The following TP53BP2 variants were observed in gnomAD, a reference collection of about 807,000 sequenced individuals.
The protein encoded by TP53BP2 is tumor protein p53 binding protein 2, also known as apoptosis-stimulating of p53 protein 2.
TP53BP2 carries 62 observed loss-of-function variants against 126.2 expected under a neutral mutation model. That is an observed-to-expected ratio of 0.49 (90% CI 0.40 to 0.61). The LOEUF is 0.61. Among genes scored for constraint, TP53BP2 ranks in the 20% least tolerant of loss-of-function variants. TP53BP2 has a pLI of 0.00. For missense variants in TP53BP2, 1,215 were observed against 1,402.8 expected, an observed-to-expected ratio of 0.87 and a Z score of 2.14; for synonymous variants, 485 against 502.9, an observed-to-expected ratio of 0.96 and a Z score of 0.48.
chr1:223,803,290 C>T lies in TP53BP2; in HGVS notation c.812G>A (p.Arg271His), dbSNP rs764187129. ...GTCTACCTGCAGCTCCTTATAGAGG[C>T]GATCAAGCTCAGCCACTGCAGACTG... ...DNQSAVAELD[R>H]LYKELQLRNK... The change falls in exon 7 of 18, where the codon CGC becomes CAC. Residue 271 changes from arginine (R) to histidine (H), a missense_variant. Physicochemically the swap from Arg to His is conservative, Grantham distance 29 (BLOSUM62 0). Around this residue, in one of 4 missense-constraint regions of TP53BP2, gnomAD observed 814 missense variants for 853.0 expected, o/e 0.95. Transcript: ENST00000343537. The T allele has an allele frequency of 2.9e-5, 46 of 1,611,782 alleles. No individual in the cohort carries two copies. The Admixed American group carries it at 6.2e-4, about 22-fold the overall frequency.
chr1:223,817,418 A>T (rs1331973195), intron 2 of TP53BP2, among the ~76,000 whole-genome samples: 2 of 151,598 alleles, frequency 1.3e-5, no homozygotes, highest in African/African-American at 2.4e-5. Context: ...AGAAAAACAA[A>T]ATTTTTTTTG....
chr1:223,799,837 C>A, intron 11 of TP53BP2, 62 bp downstream of exon 11: 1 of 1,464,598 alleles, frequency 6.8e-7, no homozygotes, highest in Non-Finnish European at 9.1e-7. Flanking sequence ...TACTTTATCC[C>A]TTCTAAAAAC....
At chr1:223,821,183 A>C in intron 2 of TP53BP2, 37 bp downstream of exon 2, 1 of 1,613,578 alleles carries the variant, frequency 6.2e-7, no homozygotes, top group Non-Finnish European at 8.5e-7. Flanking sequence ...AATAGAAGAC[A>C]GAAGAACTAA....
rs532344900 is a variant in TP53BP2 at position 223,816,501 on chromosome 1, T to C, written c.176-2148A>G. On this transcript the variant is annotated intron_variant, in intron 2 of 17. Coordinates refer to ENST00000343537, the MANE Select transcript of TP53BP2 (RefSeq NM_001031685.3). The stretch of plus-strand genomic sequence containing the variant: ...GGAAGGGAAAAAGCCAGAGTAAACA[T>C]GAGCAAAGAATATAAAGAAACAATT... 7.3e-5 allele frequency among the ~76,000 whole-genome samples: 11 copies of C among 151,602 alleles called. No homozygotes were observed. The East Asian group carries it at 2.1e-3, about 29-fold the overall frequency.
At chr1:223,837,764 A>G (rs1235913214) in intron 1 of TP53BP2, among the ~76,000 whole-genome samples, 1 of 152,056 alleles carries the variant, frequency 6.6e-6, no homozygotes, top group African/African-American at 2.4e-5. Context: ...TTCCTAATCA[A>G]TCAGGTTGTC....
chr1:223,804,131 C>A (rs766192529), intron 6 of TP53BP2, 43 bp downstream of exon 6: 2 of 1,574,672 alleles, frequency 1.3e-6, no homozygotes, highest in East Asian at 2.2e-5. Context: ...AAAAACCAGA[C>A]AAATAAATGT....
At chr1:223,806,465 T>C (rs1350183012) in intron 5 of TP53BP2, among the ~76,000 whole-genome samples, 6 of 152,144 alleles carry the variant, frequency 3.9e-5, no homozygotes, top group Admixed American at 3.3e-4. Flanking sequence ...ATTGGCTTAA[T>C]GGGGGTAGAA....
intron 12 of TP53BP2, among the ~76,000 whole-genome samples, chr1:223,797,796 A>G (rs1571846540): frequency 6.6e-6 from 1 of 152,002 alleles, no homozygotes; most frequent in East Asian, 1.9e-4. Flanking sequence ...GTGTGTGTAT[A>G]TATATCTATA....
intron 11 of TP53BP2, 61 bp from the exon 12 acceptor site, chr1:223,798,738 T>C (rs1662425595): frequency 4.5e-6 from 6 of 1,338,688 alleles, no homozygotes; most frequent in Non-Finnish European, 6.2e-6. Context: ...CAGGATGTTC[T>C]AGATAACCTA....
intron 15 of TP53BP2, among the ~76,000 whole-genome samples, chr1:223,790,569 A>T (rs1662123733): frequency 6.6e-6 from 1 of 151,894 alleles, no homozygotes; most frequent in Non-Finnish European, 1.5e-5. Flanking sequence ...AAAAAACAAA[A>T]AAAGAAAAAA....
In TP53BP2 at chr1:223,784,161, G is replaced by T; in HGVS notation, c.3317C>A (p.Ala1106Glu). The T allele has an allele frequency of 6.2e-7, 1 of 1,614,046 alleles. No homozygotes were observed. Among genetic ancestry groups the T allele is most frequent in the Non-Finnish European group, 8.5e-7 (1 of 1,180,004 alleles). ...EDEDEIEWWW[A>E]RLNDKEGYVP... ...ATATCCCTCCTTATCATTAAGGCGC[G>T]CCCACCACCATTCGATTTCATCTTC... Residue 1106 changes from alanine (A) to glutamate (E), a missense_variant, in exon 17 of 18, where the codon GCG (alanine) becomes GAG (glutamate). By Grantham distance (107) the Ala-to-Glu change is moderately radical (BLOSUM62 -1). Transcript: ENST00000343537.
intron 15 of TP53BP2, among the ~76,000 whole-genome samples, chr1:223,791,114 T>C (rs1662140358): frequency 6.6e-6 from 1 of 152,046 alleles, no homozygotes; most frequent in African/African-American, 2.4e-5. Context: ...AGCTTAACTA[T>C]ATTTGTGAAA....
rs1042902057 is a variant in TP53BP2, at chr1:223,814,083, T to G, written c.289+157A>C. The G allele has an allele frequency of 2.2e-5, 13 of 585,384 alleles. No individual in the cohort carries two copies. In the African/African-American group the frequency reaches 2.6e-4, roughly 12 times the overall value. 36.3% of individuals were successfully genotyped at this position (585,384 alleles called of 1,614,324 possible). On this transcript the variant is annotated intron_variant, in intron 3 of 17. Coordinates refer to ENST00000343537, the MANE Select transcript of TP53BP2 (RefSeq NM_001031685.3). The stretch of plus-strand genomic sequence containing the variant: ...TCCCACCTGCATTAAACAACTATAG[T>G]CAAACTTCTCCCCTCGACAGCCTAT...
rs1213657148 is a variant in TP53BP2, at chr1:223,814,244, G to A, written c.285C>T (p.Asp95=). The part of the protein sequence containing the change: ...FLRHERPPGR[D]IVSGPRSQDP... ...GATTCACAGAGCACTACCTACCAATGTCCCTGCCAGGGGGGCGTTCATGAC... is the reference window on the plus strand; with the variant it reads ...GATTCACAGAGCACTACCTACCAATATCCCTGCCAGGGGGGCGTTCATGAC... Residue 95 remains aspartate (D), a synonymous_variant, in exon 3 of 18, where the codon GAC becomes GAT. Transcript: ENST00000343537. 1 of 1,611,820 alleles carries A rather than the reference G, an allele frequency of 6.2e-7. No homozygotes were observed. The highest frequency in any genetic ancestry group is 1.1e-5 in the South Asian group (1 of 91,044).
Position 223,802,357 on chromosome 1 carries a change from G to T in TP53BP2, c.997-13C>A. 6.2e-7 allele frequency: 1 copy of T among 1,610,112 alleles called. No homozygotes were observed. The highest frequency in any genetic ancestry group is 1.1e-5 in the South Asian group (1 of 90,798). On this transcript the variant is annotated splice_polypyrimidine_tract_variant and intron_variant, in intron 8 of 17. Transcript: ENST00000343537. ...CATCAGATGAAACCTTAGGAAAGAA[G>T]CACAGGTCCTTTAGTATTAAAAATC...
intron 1 of TP53BP2, 118 bp downstream of exon 1, chr1:223,845,536 T>C: frequency 1.7e-6 from 2 of 1,163,584 alleles, no homozygotes; most frequent in Non-Finnish European, 2.2e-6. Context: ...CCCCGGCCCC[T>C]CCGCGCGGGC....
intron 1 of TP53BP2, among the ~76,000 whole-genome samples, chr1:223,844,190 G>C (rs938455676): frequency 7.2e-5 from 11 of 152,166 alleles, no homozygotes; most frequent in African/African-American, 2.7e-4. Context: ...TGTTAGGATT[G>C]TATTCTGACA....
In TP53BP2 at chr1:223,796,536, T is replaced by C. The variant is rs1467262689; in HGVS notation, c.2003A>G (p.Asn668Ser). ...AAQNQQQHPE[N>S]IYSNSQGKPG... ...CTTGCCCTGGCTATTGGAATAAATG[T>C]TCTCTGGGTGCTGCTGTTGATTCTG... The change falls in exon 13 of 18, where the codon AAC (asparagine) becomes AGC (serine). Residue 668 changes from asparagine to serine, a missense_variant. Transcript: ENST00000343537. The surrounding 1 kb of genome is among the most constrained non-coding windows in gnomAD (Gnocchi z 4.2). The C allele has an allele frequency of 1.2e-6, 2 of 1,613,778 alleles. No individual in the cohort carries two copies. Among genetic ancestry groups the C allele is most frequent in the East Asian group, 4.5e-5 (2 of 44,876 alleles).
intron 1 of TP53BP2, among the ~76,000 whole-genome samples, chr1:223,830,534 T>G (rs1289223647): frequency 1.3e-5 from 2 of 150,316 alleles, no homozygotes; most frequent in Non-Finnish European, 3.0e-5. Flanking sequence ...TGGGAATTTA[T>G]CCTAAAAAAA....
Sources: allele counts gnomAD v4.1 joint callset (sites outside exome capture counted in the v4.1 genomes callset), GRCh38; gene constraint gnomAD v4.1.1; regional missense constraint gnomAD v4.1.1; non-coding constraint Gnocchi (gnomAD v3.1); transcripts MANE v1.5; gene names NCBI Gene and HGNC (gene_info 2026-07-23, HGNC 2026-07-21).